RNPC3: variants seen among roughly 807,000 people sequenced by gnomAD.
The protein encoded by RNPC3 is RNA-binding region-containing protein 3.
A neutral mutation model predicts 67.5 loss-of-function variants in RNPC3; 48 were observed. That is an observed-to-expected ratio of 0.71 (90% CI 0.56 to 0.90). The LOEUF (loss-of-function observed/expected upper bound fraction) is 0.90, where lower values mean the gene tolerates loss of function less well. RNPC3 is among the 40% of genes least tolerant of loss of function. The pLI is 0.00. For missense variants in RNPC3, 637 were observed against 626.1 expected (o/e 1.02, Z -0.19); for synonymous variants, 239 against 210.3 (o/e 1.14, Z -1.18).
At chr1:103,527,853 C>G (rs929992792) in intron 2 of RNPC3, 111 bp downstream of exon 2, 8 of 715,146 alleles carry the variant, frequency 1.1e-5, no homozygotes, top group Non-Finnish European at 1.9e-5. Flanking sequence ...TGTATTCCAA[C>G]AGTTTCCCCA....
chr1:103,546,852 A>G (rs1265234924), intron 11 of RNPC3, 125 bp from the exon 12 acceptor site: 3 of 531,810 alleles, frequency 5.6e-6, no homozygotes, highest in Non-Finnish European at 3.2e-6. Context: ...GCCACCAGTC[A>G]TATTAGATTA....
At position 103,551,531 on chromosome 1, in the gene RNPC3, A is replaced by G. The variant is rs566390121; in HGVS notation, c.1495-190A>G. Among the ~76,000 whole-genome samples the G allele has an allele frequency of 2.6e-5, 4 of 152,338 alleles. No homozygotes were observed. In the East Asian group the frequency reaches 7.7e-4, roughly 29 times the overall value. Reference sequence around the variant, plus strand: ...AAGATAGGTAAAGAAGCAAAGGCCCAGGTATAAAAAATAATGACTGTAAAG... The same window carrying G: ...AAGATAGGTAAAGAAGCAAAGGCCCGGGTATAAAAAATAATGACTGTAAAG... On this transcript the variant is annotated intron_variant, in intron 13 of 14. Transcript: ENST00000423855.
At chr1:103,545,227 T>G (rs1380306411) in intron 10 of RNPC3, 125 bp downstream of exon 10, 16 of 709,500 alleles carry the variant, frequency 2.3e-5, no homozygotes, top group Non-Finnish European at 3.3e-5. Flanking sequence ...ATCTCTCCAA[T>G]TAATGTTTGT....
chr1:103,536,562 T>G (rs1008694496), intron 6 of RNPC3, among the ~76,000 whole-genome samples: 5 of 152,202 alleles, frequency 3.3e-5, no homozygotes, highest in Admixed American at 3.3e-4. Flanking sequence ...ATATTTTTAT[T>G]AGACTTGACT....
rs187909779 is a variant in RNPC3 at position 103,540,214 on chromosome 1, G to A, written c.768-1136G>A. Among the ~76,000 whole-genome samples the A allele has an allele frequency of 5.9e-3, 900 of 152,152 alleles. 3 individuals are homozygous for A. Among genetic ancestry groups the A allele is most frequent in the Non-Finnish European group, 7.9e-3 (534 of 67,998 alleles). ...TCCATGTACACAAACTTTATTTCAT[G>A]TACAAAATTATTAAGAATATTGTAT... On this transcript the variant is annotated intron_variant, in intron 7 of 14. Coordinates refer to ENST00000423855, the MANE Select transcript of RNPC3 (RefSeq NM_017619.4).
rs1432897322 is a variant in RNPC3, at chr1:103,551,396, C to T, written c.1494+323C>T. 8.2e-5 allele frequency: 29 copies of T among 352,234 alleles called. No homozygotes were observed. In the East Asian group the frequency reaches 1.5e-3, roughly 18 times the overall value. 21.8% of individuals were successfully genotyped at this position (352,234 alleles called of 1,614,324 possible). On this transcript the variant is annotated intron_variant, in intron 13 of 14. Coordinates refer to ENST00000423855, the MANE Select transcript of RNPC3 (RefSeq NM_017619.4). Reference sequence around the variant, plus strand: ...TCATAAAAGAACTAATTCATTTTATCATTTTATTGTAATTTATATTTCTAC... The same window carrying T: ...TCATAAAAGAACTAATTCATTTTATTATTTTATTGTAATTTATATTTCTAC...
chr1:103,541,373 C>A lies in RNPC3; in HGVS notation c.791C>A (p.Ala264Glu). The change falls in exon 8 of 15, where the codon GCA (alanine) becomes GAA (glutamate). Residue 264 changes from alanine (A) to glutamate (E), a missense_variant. By Grantham distance (107) the Ala-to-Glu change is moderately radical. Around this residue, in one of 3 missense-constraint regions of RNPC3, gnomAD observed 536 missense variants for 500.3 expected, o/e 1.07. Transcript: ENST00000423855. ...AGAATGAACAAATTAATGGAACTAG[C>A]AAATCTTCAGCCCAAAAGACCTAAA... ...RQRMNKLMELANLQPKRPKTI... is the reference protein window; with the variant it reads ...RQRMNKLMELENLQPKRPKTI... The A allele has an allele frequency of 6.6e-7, 1 of 1,504,330 alleles. No individual in the cohort carries two copies. Among genetic ancestry groups the A allele is most frequent in the East Asian group, 2.6e-5 (1 of 38,318 alleles). The allele number at this position is 1,504,330 out of a possible 1,614,324, so 93.2% of individuals were successfully genotyped here. A position where few individuals can be genotyped will look rare whatever the true frequency, so the allele number is the denominator to read the frequency against.
intron 12 of RNPC3, among the ~76,000 whole-genome samples, chr1:103,550,216 A>T (rs1651353407): frequency 6.6e-6 from 1 of 152,092 alleles, no homozygotes; most frequent in African/African-American, 2.4e-5. Context: ...ATAATTGCTT[A>T]TAACTGGCTG....
Position 103,543,300 on chromosome 1 carries a change from T to G in RNPC3, c.898T>G (p.Leu300Val). The G allele has an allele frequency of 7.0e-7, 1 of 1,429,358 alleles. No homozygotes were observed. Among genetic ancestry groups the G allele is most frequent in the Non-Finnish European group, 9.1e-7 (1 of 1,099,166 alleles). The allele number at this position is 1,429,358 out of a possible 1,614,324, so 88.5% of individuals were successfully genotyped here. Residue 300 changes from leucine (L) to valine (V), a missense_variant, in exon 9 of 15, where the codon TTA becomes GTA. By Grantham distance (32) the Leu-to-Val change is conservative. Coordinates refer to ENST00000423855, the MANE Select transcript of RNPC3 (RefSeq NM_017619.4). The part of the protein sequence containing the change: ...NTPLCPSHSS[L>V]HPVLLPSDVF... ...GCTATGATTGTTTTTAAATAGCAGT[T>G]TACATCCAGTGCTGTTACCTTCAGA...
Position 103,551,736 on chromosome 1 carries a change from G to C in RNPC3, c.1510G>C (p.Ala504Pro), listed in dbSNP as rs768971692. The C allele has an allele frequency of 1.3e-6, 2 of 1,533,948 alleles. No individual in the cohort carries two copies. Among genetic ancestry groups the C allele is most frequent in the South Asian group, 2.5e-5 (2 of 80,680 alleles). Residue 504 changes from alanine to proline, a missense_variant, in exon 14 of 15, where the codon GCT becomes CCT. By Grantham distance (27) the Ala-to-Pro change is conservative. This residue lies in a region of RNPC3 where 96 missense variants were observed against 105.8 expected (regional missense o/e 0.91). Coordinates refer to ENST00000423855, the MANE Select transcript of RNPC3 (RefSeq NM_017619.4). ...KPMVVQFARS[A>P]RPKQDPKEGK... ...AAATTATTAGCAGTTTGCTCGATCT[G>C]CTAGACCAAAACAAGATCCTAAGGA...
At chr1:103,547,064 T>A in intron 12 of RNPC3, 29 bp downstream of exon 12, 2 of 1,322,444 alleles carry the variant, frequency 1.5e-6, no homozygotes, top group Non-Finnish European at 2.0e-6. Context: ...CAATCTTCAA[T>A]TATATTTTGT....
chr1:103,531,617 A>G (rs1024335628), intron 2 of RNPC3, among the ~76,000 whole-genome samples: 1 of 151,880 alleles, frequency 6.6e-6, no homozygotes, highest in Non-Finnish European at 1.5e-5. Context: ...GCAGTTTTTC[A>G]TGTTTGTTGG....
At chr1:103,536,831 G>A (rs1271853567) in intron 6 of RNPC3, among the ~76,000 whole-genome samples, 2 of 151,624 alleles carry the variant, frequency 1.3e-5, no homozygotes, top group Admixed American at 6.6e-5. Context: ...TATTACTGGA[G>A]AATTAGTTAA....
intron 7 of RNPC3, among the ~76,000 whole-genome samples, chr1:103,540,661 T>C (rs2101048046): frequency 6.6e-6 from 1 of 152,330 alleles, no homozygotes; most frequent in Admixed American, 6.5e-5. Context: ...TTGTTGTGTG[T>C]GTATTTTACA....
intron 8 of RNPC3, among the ~76,000 whole-genome samples, chr1:103,542,264 A>G (rs139648999): frequency 8.1e-4 from 123 of 152,118 alleles, no homozygotes; most frequent in African/African-American, 2.9e-3. Flanking sequence ...GAGATATTTG[A>G]GCTGGCCCTT....
intron 2 of RNPC3, among the ~76,000 whole-genome samples, chr1:103,529,916 C>T (rs1650806724): frequency 6.6e-6 from 1 of 152,138 alleles, no homozygotes; most frequent in African/African-American, 2.4e-5. Context: ...TGCCTGAGCT[C>T]CACCTCCAGT....
At chr1:103,527,532 A>C (rs2101040782) in intron 1 of RNPC3, among the ~76,000 whole-genome samples, 163 bp from the exon 2 acceptor site, 1 of 152,328 alleles carries the variant, frequency 6.6e-6, no homozygotes, top group Admixed American at 6.5e-5. Flanking sequence ...AAAGTATTGA[A>C]AACCACTGGA....
chr1:103,546,275 G>A lies in RNPC3; in HGVS notation c.1235G>A (p.Ser412Asn). 6.9e-7 allele frequency: 1 copy of A among 1,458,836 alleles called. No homozygotes were observed. Among genetic ancestry groups the A allele is most frequent in the Non-Finnish European group, 9.0e-7 (1 of 1,110,180 alleles). 90.4% of individuals were successfully genotyped at this position (1,458,836 alleles called of 1,614,324 possible). A position where few individuals can be genotyped will look rare whatever the true frequency, so the allele number is the denominator to read the frequency against. Residue 412 changes from serine to asparagine, a missense_variant, in exon 11 of 15, where the codon AGT (serine) becomes AAT (asparagine). Transcript: ENST00000423855. ...ATGGAAACACTTTCAGTTTTCAGAA[G>A]TTATGAACCGGGTGAACCAAACTGT... ...EEMETLSVFRSYEPGEPNCRI... is the reference protein window; with the variant it reads ...EEMETLSVFRNYEPGEPNCRI...
chr1:103,552,900 A>G (rs1435842303), intron 14 of RNPC3: 1 of 152,214 alleles, frequency 6.6e-6, no homozygotes, highest in African/African-American at 2.4e-5. Flanking sequence ...ATGATTAAAT[A>G]TGGTAGAATT....
Sources: gnomAD v4.1 joint callset for allele counts (sites outside exome capture counted in the v4.1 genomes callset) on GRCh38, gnomAD v4.1.1 for gene constraint, gnomAD v4.1.1 regional missense constraint, MANE v1.5 for transcripts, NCBI Gene and HGNC (gene_info 2026-07-23, HGNC 2026-07-21) for gene names.